Variants in ARRB1 observed in about 807,000 individuals in gnomAD.
ARRB1 encodes the protein arrestin beta 1.
Under a neutral mutation model 56.8 loss-of-function variants are expected in ARRB1, and 21 were observed. The ratio of observed to expected loss-of-function variants is 0.37; its 90% confidence interval spans 0.26 to 0.53. The LOEUF (loss-of-function observed/expected upper bound fraction) is 0.53. Among genes scored for constraint, ARRB1 ranks in the 20% least tolerant of loss-of-function variants. ARRB1 has a pLI of 0.88. For missense variants in ARRB1, 424 were observed against 553.7 expected (o/e 0.77, Z 2.35); for synonymous variants, 210 against 218.6 (o/e 0.96, Z 0.35).
In ARRB1 at chr11:75,263,456, T is replaced by C. The variant is rs1945843170; in HGVS notation, c.*2707A>G. Among the ~76,000 whole-genome samples the C allele has an allele frequency of 6.6e-6, 1 of 152,236 alleles. No individual in the cohort carries two copies. ...CCAACCTGTGTGTCACTCCCAAAGCTGTGCGTTCTAGTGTAGGTCTGAATC... is the reference window on the plus strand; with the variant it reads ...CCAACCTGTGTGTCACTCCCAAAGCCGTGCGTTCTAGTGTAGGTCTGAATC... On this transcript the variant is annotated 3_prime_UTR_variant, in exon 16 of 16. Coordinates refer to ENST00000420843, the MANE Select transcript of ARRB1 (RefSeq NM_004041.5).
rs544532046 is a variant in ARRB1, at chr11:75,309,645, T to G, written c.21-19606A>C. ...GGGGTCACATTACCTCACAGGAGGCTAGGTAGGTGGGAGGAAATAATGGGT... is the reference window on the plus strand; with the variant it reads ...GGGGTCACATTACCTCACAGGAGGCGAGGTAGGTGGGAGGAAATAATGGGT... On this transcript the variant is annotated intron_variant, in intron 1 of 15. Coordinates refer to ENST00000420843, the MANE Select transcript of ARRB1 (RefSeq NM_004041.5). Among the ~76,000 whole-genome samples the G allele has an allele frequency of 7.9e-5, 12 of 152,186 alleles. No homozygotes were observed. The East Asian group carries it at 1.9e-3, about 25-fold the overall frequency.
chr11:75,276,872 T>A lies in ARRB1; in HGVS notation c.743A>T (p.Gln248Leu), dbSNP rs1946211271. Reference sequence around the variant, plus strand: ...TTCCATGGCAACAGGGCACTTGTACTGAGCTGTGTTGAAAAGGCAGATGTC... The same window carrying A: ...TTCCATGGCAACAGGGCACTTGTACAGAGCTGTGTTGAAAAGGCAGATGTC... ...YADICLFNTA[Q>L]YKCPVAMEEA... Residue 248 changes from glutamine to leucine, a missense_variant, in exon 10 of 16, where the codon CAG (glutamine) becomes CTG (leucine). Gln to Leu is a moderately radical substitution (Grantham distance 113). Transcript: ENST00000420843. 3 of 1,614,080 alleles carry A rather than the reference T, an allele frequency of 1.9e-6. No homozygotes were observed. In the Admixed American group the frequency reaches 5.0e-5, roughly 27 times the overall value.
intron 1 of ARRB1, among the ~76,000 whole-genome samples, chr11:75,339,998 C>T (rs891190551): frequency 1.3e-5 from 2 of 152,190 alleles, no homozygotes; most frequent in South Asian, 2.1e-4. Context: ...CAGCCTCAGG[C>T]GGGAGGCAGA....
intron 11 of ARRB1, among the ~76,000 whole-genome samples, chr11:75,273,646 T>C (rs1946123642): frequency 6.6e-6 from 1 of 152,138 alleles, no homozygotes; most frequent in Non-Finnish European, 1.5e-5. Context: ...CCACGATGAC[T>C]GTGCAGCAGG....
At chr11:75,273,937 G>T (rs1447502138) in intron 11 of ARRB1, 137 bp downstream of exon 11, 2 of 1,351,078 alleles carry the variant, frequency 1.5e-6, no homozygotes, top group Non-Finnish European at 2.0e-6. Flanking sequence ...GACAAGTCAA[G>T]CACCTGAGGA....
chr11:75,275,797 G>A (rs1253351695), intron 10 of ARRB1, among the ~76,000 whole-genome samples: 1 of 152,168 alleles, frequency 6.6e-6, no homozygotes, highest in African/African-American at 2.4e-5. Flanking sequence ...AGCGCTTCCT[G>A]AGAAGTAAAC....
intron 1 of ARRB1, among the ~76,000 whole-genome samples, chr11:75,340,041 G>C (rs964273095): frequency 2.0e-5 from 3 of 152,202 alleles, no homozygotes; most frequent in African/African-American, 7.2e-5. Flanking sequence ...CTTCCCACTC[G>C]GAGAGAGACA....
chr11:75,342,239 A>T (rs1947702487), intron 1 of ARRB1, among the ~76,000 whole-genome samples: 1 of 151,812 alleles, frequency 6.6e-6, no homozygotes, highest in South Asian at 2.1e-4. Context: ...TTCCCTCTGC[A>T]CTTCCTGCTT....
chr11:75,318,695 A>C (rs1240011424), intron 1 of ARRB1, among the ~76,000 whole-genome samples: 1 of 152,000 alleles, frequency 6.6e-6, no homozygotes, highest in Non-Finnish European at 1.5e-5. Flanking sequence ...GTCTCAAAAA[A>C]AAAAAGCAAG....
At chr11:75,276,815 A>G in intron 10 of ARRB1, 24 bp downstream of exon 10, 1 of 1,613,086 alleles carries the variant, frequency 6.2e-7, no homozygotes, top group Non-Finnish European at 8.5e-7. Context: ...CCATACGCCC[A>G]AGGCCAGACT....
chr11:75,330,361 C>T (rs570958373), intron 1 of ARRB1, among the ~76,000 whole-genome samples: 1 of 152,272 alleles, frequency 6.6e-6, no homozygotes, highest in South Asian at 2.1e-4. Flanking sequence ...TGTTTCTCCC[C>T]ACCCCACCCC....
In ARRB1 at chr11:75,284,432, C is replaced by T. The variant is rs145445428; in HGVS notation, c.113-153G>A. On this transcript the variant is annotated intron_variant, in intron 3 of 15. Transcript: ENST00000420843. ...GGCGGGCACCTAGAGGGTGGCACTG[C>T]CCACCTCCACCACGCTCCACCCTTC... The T allele has an allele frequency of 1.6e-4, 98 of 621,572 alleles. No individual in the cohort carries two copies. The African/African-American group carries it at 1.7e-3, about 11-fold the overall frequency. The allele number at this position is 621,572 out of a possible 1,614,324, so 38.5% of individuals were successfully genotyped here.
chr11:75,303,675 T>C (rs911677263), intron 1 of ARRB1: 8 of 456,140 alleles, frequency 1.8e-5, no homozygotes, highest in Admixed American at 9.4e-5. Context: ...AGACACTCAG[T>C]GAACAAGCAA....
At position 75,275,426 on chromosome 11, in the gene ARRB1, C is replaced by T. The variant is rs1054909455; in HGVS notation, c.777-1215G>A. Reference sequence around the variant, plus strand: ...CCTCCCCAAGTGCTGGGATTATAGGCGTGAGCACCAGCCCTGTCTCTAAAC... The same window carrying T: ...CCTCCCCAAGTGCTGGGATTATAGGTGTGAGCACCAGCCCTGTCTCTAAAC... On this transcript the variant is annotated intron_variant, in intron 10 of 15. Coordinates refer to ENST00000420843, the MANE Select transcript of ARRB1 (RefSeq NM_004041.5). 6.6e-5 allele frequency among the ~76,000 whole-genome samples: 10 copies of T among 152,170 alleles called. No homozygotes were observed. The South Asian group carries it at 1.7e-3, about 25-fold the overall frequency.
intron 1 of ARRB1, among the ~76,000 whole-genome samples, chr11:75,292,211 C>G (rs1324925235): frequency 6.6e-6 from 1 of 152,150 alleles, no homozygotes; most frequent in Non-Finnish European, 1.5e-5. Context: ...GTGATCTCAG[C>G]TCACTGCAAC....
intron 1 of ARRB1, chr11:75,335,192 G>A (rs147031768): frequency 4.4e-4 from 99 of 224,540 alleles, no homozygotes; most frequent in Admixed American, 1.7e-3. Context: ...ATGAGGCTCC[G>A]GAAGACATTC....
At chr11:75,297,892 A>T (rs1369808285) in intron 1 of ARRB1, among the ~76,000 whole-genome samples, 4 of 146,316 alleles carry the variant, frequency 2.7e-5, no homozygotes, top group African/African-American at 1.0e-4. Context: ...AAAAAAAAAA[A>T]TTAAATGGAC....
chr11:75,317,248 A>G (rs1947279979), intron 1 of ARRB1, among the ~76,000 whole-genome samples: 2 of 152,106 alleles, frequency 1.3e-5, no homozygotes, highest in African/African-American at 4.8e-5. Flanking sequence ...TTTGAAGGAA[A>G]GGAACCCAGA....
chr11:75,322,627 G>T (rs890346474), intron 1 of ARRB1, among the ~76,000 whole-genome samples: 5 of 152,224 alleles, frequency 3.3e-5, no homozygotes, highest in African/African-American at 1.2e-4. Flanking sequence ...CTGGTCACCA[G>T]AAGGCCAGAT....
Sources: allele counts gnomAD v4.1 joint callset (sites outside exome capture counted in the v4.1 genomes callset), GRCh38; gene constraint gnomAD v4.1.1; transcripts MANE v1.5; gene names NCBI Gene and HGNC (gene_info 2026-07-23, HGNC 2026-07-21).